KIRREL1: variants seen among roughly 807,000 people sequenced by gnomAD.
KIRREL1 encodes the protein kirre like nephrin family adhesion molecule 1, also known as kin of IRRE-like protein 1.
A neutral mutation model predicts 83.3 loss-of-function variants in KIRREL1; 25 were observed. That is an observed-to-expected ratio of 0.30 (90% CI 0.22 to 0.42). The LOEUF (loss-of-function observed/expected upper bound fraction) is 0.42, where lower values mean the gene tolerates loss of function less well. KIRREL1 is among the 10% of genes least tolerant of loss of function. The pLI, the probability that KIRREL1 is intolerant of heterozygous loss-of-function variation, is 1.00. For missense variants in KIRREL1, 812 were observed against 1,032.3 expected, an observed-to-expected ratio of 0.79 and a Z score of 2.92; for synonymous variants, 388 against 410.4, an observed-to-expected ratio of 0.95 and a Z score of 0.66.
rs546911949 is a variant in KIRREL1, at chr1:158,097,500, C to T, written c.*2380C>T. 2.5e-5 allele frequency: 5 copies of T among 196,644 alleles called. No individual in the cohort carries two copies. The South Asian group carries it at 3.0e-4, about 12-fold the overall frequency. 12.2% of individuals were successfully genotyped at this position (196,644 alleles called of 1,614,324 possible). A position where few individuals can be genotyped will look rare whatever the true frequency, so the allele number is the denominator to read the frequency against. On this transcript the variant is annotated 3_prime_UTR_variant, in exon 15 of 15. Transcript: ENST00000359209. ...AGAAAGGAAGCCTAGTTTCCAGAAG[C>T]CTGACACAGAGCTACTTCACTGTCC...
At chr1:158,066,589 G>C (rs1470924715) in intron 1 of KIRREL1, among the ~76,000 whole-genome samples, 1 of 152,152 alleles carries the variant, frequency 6.6e-6, no homozygotes, top group Admixed American at 6.5e-5. Flanking sequence ...CCTGGGAATT[G>C]CTGGAAAGCC....
chr1:158,002,437 A>G (rs1231482640), intron 1 of KIRREL1, among the ~76,000 whole-genome samples: 1 of 152,244 alleles, frequency 6.6e-6, no homozygotes, highest in Non-Finnish European at 1.5e-5. Context: ...CTGAGCCTAA[A>G]GATTCTTAAA....
At chr1:158,003,313 G>GCA (rs1659419920) in intron 1 of KIRREL1, among the ~76,000 whole-genome samples, 2 of 152,168 alleles carry the variant, frequency 1.3e-5, no homozygotes, top group Non-Finnish European at 2.9e-5. Context: ...AGAAACCCAA[G>GCA]GCTAGGCAGG....
chr1:158,070,245 G>A (rs919659366), intron 1 of KIRREL1, among the ~76,000 whole-genome samples: 4 of 152,174 alleles, frequency 2.6e-5, no homozygotes, highest in Non-Finnish European at 4.4e-5. Context: ...CATGAATCTC[G>A]TCCATTCTGG....
intron 1 of KIRREL1, among the ~76,000 whole-genome samples, chr1:158,046,215 A>C (rs1018589523): frequency 2.0e-5 from 3 of 152,186 alleles, no homozygotes; most frequent in Non-Finnish European, 4.4e-5. Flanking sequence ...AAAGTGGTCC[A>C]TTTCTGGGAT....
At chr1:158,079,394 A>G (rs368527336) in intron 3 of KIRREL1, among the ~76,000 whole-genome samples, 1 of 152,204 alleles carries the variant, frequency 6.6e-6, no homozygotes, top group South Asian at 2.1e-4. Flanking sequence ...ATCTCGGCTC[A>G]CTGTAATCTC....
At position 158,095,161 on chromosome 1, in the gene KIRREL1, GA is replaced by G; in HGVS notation, c.*43del. On this transcript the variant is annotated 3_prime_UTR_variant, in exon 15 of 15. Coordinates refer to ENST00000359209, the MANE Select transcript of KIRREL1 (RefSeq NM_018240.7). ...TGGGGCATCTCTGCGGGGCAGAGGA[GA>G]AGGCTTTCACAGCTGTTCCCTGATA... 1 of 1,398,690 alleles carries G rather than the reference GA, an allele frequency of 7.1e-7. No homozygotes were observed. 86.6% of individuals were successfully genotyped at this position (1,398,690 alleles called of 1,614,324 possible).
chr1:158,081,020 C>T lies in KIRREL1; in HGVS notation c.352+2880C>T, dbSNP rs1176618099. Among the ~76,000 whole-genome samples, 2 of 107,252 alleles carry T rather than the reference C, an allele frequency of 1.9e-5. 1 individual carries two copies. Among genetic ancestry groups the T allele is most frequent in the African/African-American group, 6.5e-5 (2 of 30,970 alleles). 70.4% of individuals were successfully genotyped at this position (107,252 alleles called of 152,430 possible). A position where few individuals can be genotyped will look rare whatever the true frequency, so the allele number is the denominator to read the frequency against. ...GACTCCTCTCCTCCCCAGCCATCCC[C>T]CTCAGCAGCCCCCCAGCTCCCCAGG... is the stretch of plus-strand genomic sequence containing the variant. On this transcript the variant is annotated intron_variant, in intron 3 of 14. Coordinates refer to ENST00000359209, the MANE Select transcript of KIRREL1 (RefSeq NM_018240.7).
intron 1 of KIRREL1, among the ~76,000 whole-genome samples, chr1:158,022,157 A>G (rs1660018220): frequency 6.6e-6 from 1 of 152,134 alleles, no homozygotes; most frequent in South Asian, 2.1e-4. Flanking sequence ...GGGAGGCTGC[A>G]TTCTGATTTC....
Position 158,002,007 on chromosome 1 carries a change from A to G in KIRREL1, c.52+8279A>G, listed in dbSNP as rs142673576. ...TCTACTGGAGACACTATGGAAATTTATAACCCCTCCAATTAAAAACATGAA... is the reference window on the plus strand; with the variant it reads ...TCTACTGGAGACACTATGGAAATTTGTAACCCCTCCAATTAAAAACATGAA... On this transcript the variant is annotated intron_variant, in intron 1 of 14. Coordinates refer to ENST00000359209, the MANE Select transcript of KIRREL1 (RefSeq NM_018240.7). 3.0e-3 allele frequency among the ~76,000 whole-genome samples: 455 copies of G among 152,302 alleles called. 1 individual carries two copies. The highest frequency in any genetic ancestry group is 0.01 in the African/African-American group (436 of 41,558).
chr1:158,002,142 C>T (rs146028366), intron 1 of KIRREL1, among the ~76,000 whole-genome samples: 2 of 152,264 alleles, frequency 1.3e-5, no homozygotes, highest in African/African-American at 2.4e-5. Flanking sequence ...AGAGAGACTT[C>T]GGAAGGATGA....
chr1:157,999,286 T>C (rs1207208025), intron 1 of KIRREL1, among the ~76,000 whole-genome samples: 1 of 152,170 alleles, frequency 6.6e-6, no homozygotes, highest in Non-Finnish European at 1.5e-5. Flanking sequence ...TAATGCCCCT[T>C]GTCAGAAGGA....
At chr1:158,035,339 T>G (rs73020621) in intron 1 of KIRREL1, among the ~76,000 whole-genome samples, 5,507 of 152,276 alleles carry the variant, frequency 0.036, 292 homozygotes, top group African/African-American at 0.12. Flanking sequence ...ACTGCCCTCA[T>G]GGAGCCTGAC....
rs758963216 is a variant in KIRREL1 at position 158,088,418 on chromosome 1, C to T, written c.1008C>T (p.Pro336=). The change falls in exon 8 of 15, where the codon CCC becomes CCT. Residue 336 remains proline, a synonymous_variant. Coordinates refer to ENST00000359209, the MANE Select transcript of KIRREL1 (RefSeq NM_018240.7). ...CCTGTGTCTGGGTTGGGAATCCCCC[C>T]CTCACTCTCACCTGGACCAAAAAGG... is the stretch of plus-strand genomic sequence containing the variant. ...TLTCVWVGNP[P]LTLTWTKKDS... is the part of the protein sequence containing the mutation. 3.5e-5 allele frequency: 57 copies of T among 1,606,862 alleles called. No homozygotes were observed. Among genetic ancestry groups the T allele is most frequent in the Non-Finnish European group, 3.7e-5 (43 of 1,173,798 alleles).
At chr1:158,033,771 A>G (rs1016840092) in intron 1 of KIRREL1, among the ~76,000 whole-genome samples, 3 of 151,464 alleles carry the variant, frequency 2.0e-5, no homozygotes, top group Non-Finnish European at 4.4e-5. Flanking sequence ...ACCTGAGATC[A>G]GGAGTTAAGA....
intron 1 of KIRREL1, among the ~76,000 whole-genome samples, chr1:158,013,701 T>A (rs1051359845): frequency 2.0e-5 from 3 of 152,206 alleles, no homozygotes; most frequent in African/African-American, 7.2e-5. Context: ...CTGCCCTTGC[T>A]CCGCAACCAA....
At chr1:158,034,211 A>G (rs916966983) in intron 1 of KIRREL1, among the ~76,000 whole-genome samples, 2 of 145,204 alleles carry the variant, frequency 1.4e-5, no homozygotes, top group African/African-American at 5.1e-5. Context: ...CGGAGCTTGC[A>G]GTGAGCCGAG....
chr1:158,053,806 C>T (rs1028031685), intron 1 of KIRREL1, among the ~76,000 whole-genome samples: 2 of 152,158 alleles, frequency 1.3e-5, no homozygotes, highest in African/African-American at 4.8e-5. Flanking sequence ...CATAGTAGGT[C>T]CCCAATGCTT....
chr1:158,050,714 A>T (rs1276572264), intron 1 of KIRREL1, among the ~76,000 whole-genome samples: 1 of 152,038 alleles, frequency 6.6e-6, no homozygotes, highest in African/African-American at 2.4e-5. Context: ...CCACAGAGTT[A>T]TCCTTCTGGC....
Sources: allele counts gnomAD v4.1 joint callset (sites outside exome capture counted in the v4.1 genomes callset), GRCh38; gene constraint gnomAD v4.1.1; transcripts MANE v1.5; gene names NCBI Gene and HGNC (gene_info 2026-07-23, HGNC 2026-07-21).